ENOX1: variants seen among roughly 807,000 people sequenced by gnomAD.
ENOX1 encodes the protein ecto-NOX disulfide-thiol exchanger 1, also known as candidate growth-related and time keeping constitutive hydroquinone (NADH) oxidase.
Under a neutral mutation model 82.5 loss-of-function variants are expected in ENOX1, and 42 were observed. The observed-to-expected ratio is 0.51, with a 90% CI of 0.40 to 0.66. The LOEUF is 0.66. ENOX1 is among the 30% of genes least tolerant of loss of function. The pLI is 0.00. For missense variants in ENOX1, 608 were observed against 811.6 expected (o/e 0.75, Z 3.05); for synonymous variants, 271 against 282.2 (o/e 0.96, Z 0.40).
At chr13:43,757,764 A>C (rs574869652) in intron 1 of ENOX1, among the ~76,000 whole-genome samples, 1 of 152,352 alleles carries the variant, frequency 6.6e-6, no homozygotes, top group East Asian at 1.9e-4. Flanking sequence ...TTCTTATAAC[A>C]CTAAACACGC....
chr13:43,784,801 A>C (rs1039133461), intron 1 of ENOX1, among the ~76,000 whole-genome samples: 1 of 152,274 alleles, frequency 6.6e-6, no homozygotes, highest in South Asian at 2.1e-4. Context: ...TTTGTTTCAC[A>C]TTGACAAGGC....
At chr13:43,267,950 CT>C (rs887686890) in intron 13 of ENOX1, among the ~76,000 whole-genome samples, 8 of 151,820 alleles carry the variant, frequency 5.3e-5, no homozygotes, top group African/African-American at 1.9e-4. Flanking sequence ...TTCACGTTCT[CT>C]TTTTTTTAAA....
At chr13:43,428,434 C>T (rs2055456214) in intron 3 of ENOX1, among the ~76,000 whole-genome samples, 1 of 152,182 alleles carries the variant, frequency 6.6e-6, no homozygotes, top group Admixed American at 6.6e-5. Context: ...CAGGTCCATT[C>T]TCCCCATGTC....
In ENOX1 at chr13:43,525,751, G is replaced by A. The variant is rs565768451; in HGVS notation, c.-218-41599C>T. 9.2e-5 allele frequency among the ~76,000 whole-genome samples: 14 copies of A among 151,984 alleles called. No individual in the cohort carries two copies. In the South Asian group the frequency reaches 2.9e-3, roughly 32 times the overall value. ...TTAGTGATGCTGAGTATCTTTCCTT[G>A]TGCTTATTAGCCATTTGTATATCTT... On this transcript the variant is annotated intron_variant, in intron 2 of 16. Transcript: ENST00000690772.
intron 2 of ENOX1, among the ~76,000 whole-genome samples, chr13:43,638,528 GC>G (rs2083498205): frequency 6.6e-6 from 1 of 151,988 alleles, no homozygotes; most frequent in African/African-American, 2.4e-5. Flanking sequence ...AAACTTTCTT[GC>G]CAGCAAACCA....
At chr13:43,625,674 T>C (rs1169902105) in intron 2 of ENOX1, among the ~76,000 whole-genome samples, 4 of 151,978 alleles carry the variant, frequency 2.6e-5, no homozygotes, top group Non-Finnish European at 5.9e-5. Flanking sequence ...GAACCAGCAT[T>C]GCATCTACAA....
chr13:43,588,434 C>T (rs1217606578), intron 2 of ENOX1, among the ~76,000 whole-genome samples: 1 of 152,048 alleles, frequency 6.6e-6, no homozygotes, highest in Non-Finnish European at 1.5e-5. Context: ...TACTTTTTCC[C>T]TCTGATGTGA....
chr13:43,628,822 C>A (rs2083082932), intron 2 of ENOX1, among the ~76,000 whole-genome samples: 1 of 152,210 alleles, frequency 6.6e-6, no homozygotes, highest in African/African-American at 2.4e-5. Context: ...AGGTTCCCCA[C>A]TTGGCCTTCG....
At chr13:43,310,371 G>A (rs373672276) in intron 11 of ENOX1, among the ~76,000 whole-genome samples, 2 of 152,060 alleles carry the variant, frequency 1.3e-5, no homozygotes, top group South Asian at 2.1e-4. Context: ...AGAGGTCAGC[G>A]ATGGAACAGA....
At chr13:43,367,877 G>T (rs116065636) in intron 5 of ENOX1, among the ~76,000 whole-genome samples, 1,732 of 152,208 alleles carry the variant, frequency 0.011, 32 homozygotes, top group East Asian at 0.054. Flanking sequence ...CACTTATTGG[G>T]ATCCTAAATA....
intron 5 of ENOX1, among the ~76,000 whole-genome samples, chr13:43,371,294 A>AT (rs1355509342): frequency 6.6e-6 from 1 of 152,224 alleles, no homozygotes; most frequent in Non-Finnish European, 1.5e-5. Context: ...GAAGTCGCTA[A>AT]TTTTTATACA....
At chr13:43,668,968 C>T (rs2153789659) in intron 1 of ENOX1, among the ~76,000 whole-genome samples, 1 of 152,312 alleles carries the variant, frequency 6.6e-6, no homozygotes, top group South Asian at 2.1e-4. Flanking sequence ...TATTTGTATG[C>T]ATGAGCTATA....
chr13:43,662,724 C>T (rs139953051), intron 2 of ENOX1, among the ~76,000 whole-genome samples: 198 of 152,318 alleles, frequency 1.3e-3, no homozygotes, highest in African/African-American at 4.1e-3. Context: ...TTTTAACAAA[C>T]ATCCATGCAA....
chr13:43,380,813 G>A (rs1050210022), intron 5 of ENOX1, among the ~76,000 whole-genome samples: 10 of 151,662 alleles, frequency 6.6e-5, no homozygotes, highest in Non-Finnish European at 1.3e-4. Context: ...ATGGATAAAT[G>A]AGTCATTTCA....
intron 2 of ENOX1, among the ~76,000 whole-genome samples, chr13:43,499,884 A>C (rs9594964): frequency 0.21 from 31,770 of 151,996 alleles, 3,757 homozygotes; most frequent in Middle Eastern, 0.28. Flanking sequence ...CAACAAAGAG[A>C]TAGAAACCAT....
intron 11 of ENOX1, among the ~76,000 whole-genome samples, chr13:43,320,385 C>T (rs1258252068): frequency 1.3e-5 from 2 of 152,326 alleles, no homozygotes; most frequent in South Asian, 4.1e-4. Flanking sequence ...AGTAACAAGA[C>T]TGGTGAAAGT....
intron 11 of ENOX1, among the ~76,000 whole-genome samples, chr13:43,321,690 C>A (rs1215874440): frequency 6.6e-6 from 1 of 152,224 alleles, no homozygotes; most frequent in Non-Finnish European, 1.5e-5. Flanking sequence ...TATGGTTCTT[C>A]CTAGGTCCTT....
chr13:43,695,713 G>A (rs1389397131), intron 1 of ENOX1, among the ~76,000 whole-genome samples: 1 of 152,102 alleles, frequency 6.6e-6, no homozygotes, highest in African/African-American at 2.4e-5. Flanking sequence ...CTTCCAAAGT[G>A]CTGGGATTAC....
At chr13:43,307,306 C>G (rs375312484) in intron 11 of ENOX1, among the ~76,000 whole-genome samples, 2 of 152,196 alleles carry the variant, frequency 1.3e-5, no homozygotes, top group Non-Finnish European at 2.9e-5. Flanking sequence ...TAGCTGGCAT[C>G]TTGAGGTATC....
Sources: gnomAD v4.1 joint callset for allele counts (sites outside exome capture counted in the v4.1 genomes callset) on GRCh38, gnomAD v4.1.1 for gene constraint, MANE v1.5 for transcripts, NCBI Gene and HGNC (gene_info 2026-07-23, HGNC 2026-07-21) for gene names.